The following CFAP53 variants were observed in gnomAD, a reference collection of about 807,000 sequenced individuals.
The protein encoded by CFAP53 is cilia- and flagella-associated protein 53.
CFAP53 carries 62 observed loss-of-function variants against 59.7 expected under a neutral mutation model. That is an observed-to-expected ratio of 1.04 (90% CI 0.85 to 1.28). CFAP53 has a LOEUF of 1.28. CFAP53 is among the 50% of genes most tolerant of loss of function. The probability of loss-of-function intolerance (pLI) is 0.00; values close to 1 mark genes in which losing one functional copy is unlikely to be tolerated. For missense variants in CFAP53, 629 were observed against 615.6 expected (o/e 1.02, Z -0.23); for synonymous variants, 218 against 205.7 (o/e 1.06, Z -0.51).
At position 50,243,173 on chromosome 18, in the gene CFAP53, G is replaced by A. The variant is rs1180222403; in HGVS notation, c.997-57C>T. On this transcript the variant is annotated intron_variant, in intron 5 of 7. Transcript: ENST00000398545. ...TTTTTTGGTGTGATACTATAGTAAGGATACATTTAAAAAAAATCTTTAAAA... is the reference window on the plus strand; with the variant it reads ...TTTTTTGGTGTGATACTATAGTAAGAATACATTTAAAAAAAATCTTTAAAA... 4 of 1,244,304 alleles carry A rather than the reference G, an allele frequency of 3.2e-6. No individual in the cohort carries two copies. The African/African-American group carries it at 6.1e-5, about 19-fold the overall frequency. 77.1% of individuals were successfully genotyped at this position (1,244,304 alleles called of 1,614,324 possible). A position where few individuals can be genotyped will look rare whatever the true frequency, so the allele number is the denominator to read the frequency against.
rs1309576997 is a variant in CFAP53, at chr18:50,266,321, A to G, written c.69+15T>C. On this transcript the variant is annotated intron_variant, in intron 1 of 7. Transcript: ENST00000398545. The stretch of plus-strand genomic sequence containing the variant: ...GAGAAAGCTGTAGGGTCTGGCAGAC[A>G]TATCCTGTGCTTACCACGATCACCA... The G allele has an allele frequency of 1.9e-6, 3 of 1,613,526 alleles. No individual in the cohort carries two copies. Among genetic ancestry groups the G allele is most frequent in the Non-Finnish European group, 2.5e-6 (3 of 1,179,390 alleles).
chr18:50,257,465 T>A (rs891352456), intron 3 of CFAP53, among the ~76,000 whole-genome samples: 2 of 152,218 alleles, frequency 1.3e-5, no homozygotes, highest in Non-Finnish European at 2.9e-5. Context: ...AGCATTTCTA[T>A]ATGCTTACAC....
intron 5 of CFAP53, among the ~76,000 whole-genome samples, chr18:50,246,830 A>C (rs146401520): frequency 0.02 from 3,094 of 151,136 alleles, 33 homozygotes; most frequent in South Asian, 0.039. Context: ...TGGATCGCCT[A>C]AGGTCAGGAG....
chr18:50,239,129 G>A (rs946867141), intron 6 of CFAP53, among the ~76,000 whole-genome samples: 19 of 150,680 alleles, frequency 1.3e-4, no homozygotes, highest in African/African-American at 3.6e-4. Flanking sequence ...GCCTCATGCC[G>A]GTAATCCCAG....
intron 5 of CFAP53, among the ~76,000 whole-genome samples, chr18:50,245,692 G>A (rs972773038): frequency 2.0e-5 from 3 of 152,270 alleles, no homozygotes; most frequent in Middle Eastern, 3.4e-3. Context: ...TTCCCAAACT[G>A]ACCTACAGGT....
chr18:50,266,290 G>C, intron 1 of CFAP53, 46 bp downstream of exon 1: 2 of 1,589,228 alleles, frequency 1.3e-6, no homozygotes, highest in Non-Finnish European at 1.7e-6. Context: ...GGAGTGCGGA[G>C]AGATGGAGAA....
intron 6 of CFAP53, among the ~76,000 whole-genome samples, 199 bp from the exon 7 acceptor site, chr18:50,238,904 T>G (rs1207901765): frequency 6.6e-6 from 1 of 152,108 alleles, no homozygotes; most frequent in African/African-American, 2.4e-5. Flanking sequence ...CAATCTAGAT[T>G]TTCTGTTCAT....
intron 3 of CFAP53, chr18:50,256,504 C>A (rs1348602199): frequency 1.3e-5 from 2 of 152,226 alleles, no homozygotes; most frequent in East Asian, 1.9e-4. Context: ...CGTTACTACT[C>A]CGGGTTTCTT....
intron 3 of CFAP53, among the ~76,000 whole-genome samples, chr18:50,260,315 G>A (rs1306858942): frequency 2.0e-5 from 3 of 152,078 alleles, no homozygotes; most frequent in African/African-American, 4.8e-5. Flanking sequence ...ATAAGTCCAG[G>A]TGATCAGACC....
At chr18:50,229,554 A>G (rs116764873) in intron 7 of CFAP53, among the ~76,000 whole-genome samples, 2,068 of 152,222 alleles carry the variant, frequency 0.014, 38 homozygotes, top group African/African-American at 0.046. Flanking sequence ...TTCTGTGCAA[A>G]TATCTCTTCA....
chr18:50,247,457 C>T (rs72923637), intron 5 of CFAP53, among the ~76,000 whole-genome samples: 401 of 152,326 alleles, frequency 2.6e-3, no homozygotes, highest in Middle Eastern at 0.017. Context: ...CTTCTAGATA[C>T]ATGCCCCAAA....
chr18:50,234,080 G>A (rs2033607803), intron 7 of CFAP53, among the ~76,000 whole-genome samples: 1 of 152,112 alleles, frequency 6.6e-6, no homozygotes, highest in Admixed American at 6.5e-5. Context: ...CCCTTTCCTA[G>A]GGTGTTTAAC....
At chr18:50,260,116 T>C (rs1450715143) in intron 3 of CFAP53, among the ~76,000 whole-genome samples, 1 of 152,182 alleles carries the variant, frequency 6.6e-6, no homozygotes, top group East Asian at 1.9e-4. Context: ...CATACAAATC[T>C]TCCCTCTGTG....
intron 5 of CFAP53, among the ~76,000 whole-genome samples, chr18:50,244,803 G>A (rs2033726674): frequency 6.6e-6 from 1 of 152,134 alleles, no homozygotes; most frequent in Non-Finnish European, 1.5e-5. Context: ...GCTCATGCCT[G>A]TAATCCCAGC....
chr18:50,227,336 A>G lies in CFAP53; in HGVS notation c.*45T>C. 1 of 1,503,268 alleles carries G rather than the reference A, an allele frequency of 6.7e-7. No homozygotes were observed. Among genetic ancestry groups the G allele is most frequent in the Non-Finnish European group, 9.2e-7 (1 of 1,085,352 alleles). 93.1% of individuals were successfully genotyped at this position (1,503,268 alleles called of 1,614,324 possible). On this transcript the variant is annotated 3_prime_UTR_variant, in exon 8 of 8. Transcript: ENST00000398545. ...AGAAGCATACAAGCATACTGTAGTT[A>G]AAAATATTAAAAGACCAAGAAAAGA...
In CFAP53 at chr18:50,227,613, A is replaced by T. The variant is rs1359523302; in HGVS notation, c.1317-4T>A. The T allele has an allele frequency of 1.1e-5, 18 of 1,600,954 alleles. No homozygotes were observed. The Admixed American group carries it at 3.0e-4, about 27-fold the overall frequency. ...CTCCTGGGCTAAACGTTGGCGTCTA[A>T]AGTATTAGAAATGTCAAAGCATAAA... On this transcript the variant is annotated splice_polypyrimidine_tract_variant and splice_region_variant and intron_variant, in intron 7 of 7. Transcript: ENST00000398545.
At chr18:50,240,496 C>A (rs1369222964) in intron 6 of CFAP53, among the ~76,000 whole-genome samples, 1 of 152,170 alleles carries the variant, frequency 6.6e-6, no homozygotes, top group East Asian at 1.9e-4. Flanking sequence ...GCAGCAGGGG[C>A]CACGTGAGTC....
chr18:50,262,566 G>C (rs1486056107), intron 1 of CFAP53, among the ~76,000 whole-genome samples: 1 of 152,104 alleles, frequency 6.6e-6, no homozygotes, highest in African/African-American at 2.4e-5. Context: ...AAATAGGGCA[G>C]ATAAAACAAG....
intron 7 of CFAP53, among the ~76,000 whole-genome samples, chr18:50,231,212 G>T (rs1374845523): frequency 1.3e-5 from 2 of 152,202 alleles, no homozygotes; most frequent in African/African-American, 2.4e-5. Flanking sequence ...GCAAGCCTTT[G>T]TTTCCTGGCA....
Sources: allele counts gnomAD v4.1 joint callset (sites outside exome capture counted in the v4.1 genomes callset), GRCh38; gene constraint gnomAD v4.1.1; transcripts MANE v1.5; gene names NCBI Gene and HGNC (gene_info 2026-07-23, HGNC 2026-07-21).